OVCH2: variants seen among roughly 807,000 people sequenced by gnomAD.
OVCH2 encodes ovochymase 2, also known as ovochymase-2.
A neutral mutation model predicts 73.7 loss-of-function variants in OVCH2; 88 were observed. That is an observed-to-expected ratio of 1.19 (90% confidence interval 1.01 to 1.43). The LOEUF is 1.43. Ranked by LOEUF, OVCH2 falls within the 40% of genes most tolerant of loss-of-function variation. OVCH2 has a pLI of 0.00. For synonymous variants in OVCH2, 265 were observed against 234.5 expected (o/e 1.13, Z -1.19); for missense variants, 706 against 674.5 (o/e 1.05, Z -0.52).
Position 7,701,761 on chromosome 11 carries a change from C to G in OVCH2, c.514G>C (p.Ala172Pro). The change falls in exon 5 of 16, where the codon GCT becomes CCT. Residue 172 changes from alanine to proline, a missense_variant. Physicochemically the swap from Ala to Pro is conservative, Grantham distance 27. Transcript: ENST00000533663. ...CLPELREQFE[A>P]GFICTTAGWG... is the part of the protein sequence containing the mutation. ...CCTGCAGTTGTACAAATAAAACCAG[C>G]CTCAAATTGCTCCCGCAGCTCTGGA... The G allele has an allele frequency of 6.2e-7, 1 of 1,612,718 alleles. No homozygotes were observed. The highest frequency in any genetic ancestry group is 8.5e-7 in the Non-Finnish European group (1 of 1,179,500).
chr11:7,680,270 T>C, the OVCH2 span, among the ~76,000 whole-genome samples: 52 of 152,152 alleles, frequency 3.4e-4, no homozygotes, highest in Non-Finnish European at 5.9e-4. Flanking sequence ...CAGAAATGAA[T>C]TGAATTAGAG....
intron 4 of OVCH2, 21 bp from the exon 5 acceptor site, chr11:7,701,832 G>C: frequency 6.3e-7 from 1 of 1,586,530 alleles, no homozygotes; most frequent in African/African-American, 1.4e-5. Flanking sequence ...GAGCAAGGTA[G>C]GGCTTGTCTC....
rs556359031 is a variant in OVCH2 at position 7,689,615 on chromosome 11, T to A, written c.*32-13A>T. Reference sequence around the variant, plus strand: ...GGTGCCCCTTGGCCTGTAGATAATGTATTGCCCCAACCTCTGCCTTCATCA... The same window carrying A: ...GGTGCCCCTTGGCCTGTAGATAATGAATTGCCCCAACCTCTGCCTTCATCA... On this transcript the variant is annotated splice_polypyrimidine_tract_variant and intron_variant, in intron 15 of 15. Transcript: ENST00000533663. 1 of 483,662 alleles carries A rather than the reference T, an allele frequency of 2.1e-6. No individual in the cohort carries two copies. Among genetic ancestry groups the A allele is most frequent in the South Asian group, 1.5e-5 (1 of 64,784 alleles). The allele number at this position is 483,662 out of a possible 1,614,324, so 30.0% of individuals were successfully genotyped here. A position where few individuals can be genotyped will look rare whatever the true frequency, so the allele number is the denominator to read the frequency against.
At chr11:7,681,804 G>T in the OVCH2 span, among the ~76,000 whole-genome samples, 1 of 140,796 alleles carries the variant, frequency 7.1e-6, no homozygotes, top group South Asian at 2.4e-4. Flanking sequence ...CTTCAGATTT[G>T]TAATAGGAGA....
the OVCH2 span, among the ~76,000 whole-genome samples, chr11:7,682,234 A>G: frequency 6.6e-6 from 1 of 152,350 alleles, no homozygotes; most frequent in East Asian, 1.9e-4. Flanking sequence ...CTCCAACATC[A>G]CATCGCTGGA....
intron 12 of OVCH2, among the ~76,000 whole-genome samples, chr11:7,692,771 C>A (rs1235785647): frequency 6.6e-6 from 1 of 152,094 alleles, no homozygotes; most frequent in Non-Finnish European, 1.5e-5. Flanking sequence ...TGAGTAATGA[C>A]CTAGAAAAGA....
intron 12 of OVCH2, among the ~76,000 whole-genome samples, chr11:7,693,699 T>C (rs1316473054): frequency 6.6e-6 from 1 of 152,224 alleles, no homozygotes; most frequent in African/African-American, 2.4e-5. Flanking sequence ...GATGAACTTT[T>C]AGAAAGAAAT....
the OVCH2 span, among the ~76,000 whole-genome samples, chr11:7,682,221 C>T: frequency 6.6e-6 from 1 of 152,238 alleles, no homozygotes; most frequent in African/African-American, 2.4e-5. Context: ...GATTCTCTGC[C>T]TTCTCCAACA....
At chr11:7,695,516 C>G in intron 11 of OVCH2, 54 bp downstream of exon 11, 1 of 1,529,104 alleles carries the variant, frequency 6.5e-7, no homozygotes, top group South Asian at 1.2e-5. Flanking sequence ...CCTATGGGGC[C>G]TAAGCTTCTA....
At chr11:7,701,290 C>T (rs1185951788) in intron 6 of OVCH2, 34 bp downstream of exon 6, 1 of 1,569,212 alleles carries the variant, frequency 6.4e-7, no homozygotes. Flanking sequence ...GGAATCCTTG[C>T]CTGGGGCCTG....
At position 7,696,741 on chromosome 11, in the gene OVCH2, T is replaced by C; in HGVS notation, c.984A>G (p.Pro328=). 1 of 1,613,452 alleles carries C rather than the reference T, an allele frequency of 6.2e-7. No homozygotes were observed. Among genetic ancestry groups the C allele is most frequent in the Non-Finnish European group, 8.5e-7 (1 of 1,179,694 alleles). ...VSGAEGKLHF[P]ESLHLYYESK... ...TCTCATAATATAGGTGGAGGCTTTC[T>C]GGGAAGTGCAGCTTCCCCTCAGCCC... Residue 328 remains proline (P), a synonymous_variant, in exon 9 of 16, where the codon CCA becomes CCG. Transcript: ENST00000533663.
intron 6 of OVCH2, among the ~76,000 whole-genome samples, chr11:7,700,887 C>A (rs1856424674): frequency 6.6e-6 from 1 of 152,198 alleles, no homozygotes; most frequent in South Asian, 2.1e-4. Flanking sequence ...AGCCATCCTT[C>A]AGGAATGGGA....
At position 7,706,239 on chromosome 11, in the gene OVCH2, G is replaced by A. The variant is rs1330283540; in HGVS notation, c.88+68C>T. The A allele has an allele frequency of 4.2e-5, 59 of 1,407,126 alleles. 1 individual carries two copies. In the South Asian group the frequency reaches 5.1e-4, roughly 12 times the overall value. 87.2% of individuals were successfully genotyped at this position (1,407,126 alleles called of 1,614,324 possible). On this transcript the variant is annotated intron_variant, in intron 1 of 15. Coordinates refer to ENST00000533663, the MANE Select transcript of OVCH2 (RefSeq NM_198185.7). ...TTTTCCCAAAGGAACATGGAGTCTC[G>A]GAGTTGTGACGTCCATTGCCAGCAA...
the OVCH2 span, among the ~76,000 whole-genome samples, chr11:7,683,557 A>G: frequency 1.3e-5 from 2 of 152,188 alleles, no homozygotes; most frequent in Admixed American, 6.5e-5. Context: ...AATACAATAG[A>G]AAGAGTGATC....
chr11:7,679,212 T>C, the OVCH2 span, among the ~76,000 whole-genome samples: 1 of 152,216 alleles, frequency 6.6e-6, no homozygotes, highest in Admixed American at 6.5e-5. Flanking sequence ...ATATTTGGTC[T>C]TCCTCCCAGT....
chr11:7,699,631 A>C (rs10732511), intron 7 of OVCH2: 1 of 152,204 alleles, frequency 6.6e-6, no homozygotes, highest in Non-Finnish European at 1.5e-5. Flanking sequence ...ATCTGCTGAC[A>C]TGGAACTTGC....
At chr11:7,679,949 G>T in the OVCH2 span, among the ~76,000 whole-genome samples, 1 of 152,214 alleles carries the variant, frequency 6.6e-6, no homozygotes, top group Non-Finnish European at 1.5e-5. Flanking sequence ...CCGGGAGAAG[G>T]CATGGGAGCT....
At chr11:7,698,546 G>C (rs764935965) in intron 8 of OVCH2, among the ~76,000 whole-genome samples, 12 of 152,158 alleles carry the variant, frequency 7.9e-5, no homozygotes, top group Non-Finnish European at 1.2e-4. Context: ...GCTGAATTGG[G>C]ACAGAGCTCT....
In OVCH2 at chr11:7,695,626, T is replaced by C. The variant is rs565656265; in HGVS notation, c.1226A>G (p.Asp409Gly). Residue 409 changes from aspartate to glycine, a missense_variant, in exon 11 of 16, where the codon GAT becomes GGT. Transcript: ENST00000533663. ...GGTAAGATTAAACCCAGCTGCATTA[T>C]CTGTGGCATCAGAGACGAATTTCAG... ...LRLKFVSDAT[D>G]NAAGFNLTYK... is the part of the protein sequence containing the mutation. 1 of 1,612,068 alleles carries C rather than the reference T, an allele frequency of 6.2e-7. No homozygotes were observed.
Sources: gnomAD v4.1 joint callset for allele counts (sites outside exome capture counted in the v4.1 genomes callset) on GRCh38, gnomAD v4.1.1 for gene constraint, MANE v1.5 for transcripts, NCBI Gene and HGNC (gene_info 2026-07-23, HGNC 2026-07-21) for gene names.